Variants in ELMOD1 observed in about 807,000 individuals in gnomAD.
The protein encoded by ELMOD1 is ELMO domain containing 1.
ELMOD1 carries 21 observed loss-of-function variants against 46.7 expected under a neutral mutation model. The ratio of observed to expected loss-of-function variants is 0.45; its 90% confidence interval spans 0.32 to 0.65. The LOEUF (loss-of-function observed/expected upper bound fraction) is 0.65, where lower values mean the gene tolerates loss of function less well. ELMOD1 is among the 30% of genes least tolerant of loss of function. The pLI is 0.04. For synonymous variants in ELMOD1, 122 were observed against 138.2 expected, an observed-to-expected ratio of 0.88 and a Z score of 0.82; for missense variants, 348 against 407.8, an observed-to-expected ratio of 0.85 and a Z score of 1.26.
At chr11:107,658,121 T>G (rs1427271304) in intron 11 of ELMOD1, among the ~76,000 whole-genome samples, 1 of 152,154 alleles carries the variant, frequency 6.6e-6, no homozygotes, top group African/African-American at 2.4e-5. Flanking sequence ...AATCAAGTAA[T>G]GGAAAGCATG....
intron 4 of ELMOD1, among the ~76,000 whole-genome samples, 177 bp from the exon 5 acceptor site, chr11:107,631,403 C>G (rs1004281987): frequency 6.8e-6 from 1 of 146,876 alleles, no homozygotes; most frequent in Non-Finnish European, 1.5e-5. Flanking sequence ...CACTACCCCC[C>G]CCCCCATCGT....
intron 6 of ELMOD1, among the ~76,000 whole-genome samples, chr11:107,646,818 T>C (rs1280535337): frequency 2.0e-5 from 3 of 151,944 alleles, no homozygotes; most frequent in Non-Finnish European, 2.9e-5. Flanking sequence ...TGATATAACA[T>C]TAAAGCATTT....
At chr11:107,607,612 G>A (rs1266409661) in intron 1 of ELMOD1, among the ~76,000 whole-genome samples, 2 of 152,110 alleles carry the variant, frequency 1.3e-5, no homozygotes. Context: ...AGCTGTGATT[G>A]CACCACTGCA....
At position 107,665,292 on chromosome 11, in the gene ELMOD1, A is replaced by T; in HGVS notation, c.*95A>T. 7.8e-7 allele frequency: 1 copy of T among 1,277,684 alleles called. No individual in the cohort carries two copies. The highest frequency in any genetic ancestry group is 1.1e-6 in the Non-Finnish European group (1 of 910,546). The allele number at this position is 1,277,684 out of a possible 1,614,324, so 79.1% of individuals were successfully genotyped here. A position where few individuals can be genotyped will look rare whatever the true frequency, so the allele number is the denominator to read the frequency against. On this transcript the variant is annotated 3_prime_UTR_variant, in exon 12 of 12. Transcript: ENST00000265840. ...CGCAGCTCACGCATTGAATGCACAC[A>T]GTGATTGTATGCATGCCTTTTGGTA...
In ELMOD1 at chr11:107,627,491, T is replaced by C. The variant is rs189923688; in HGVS notation, c.18-2926T>C. Among the ~76,000 whole-genome samples, 414 of 152,232 alleles carry C rather than the reference T, an allele frequency of 2.7e-3. 5 individuals carry two copies. Among genetic ancestry groups the C allele is most frequent in the African/African-American group, 9.5e-3 (393 of 41,560 alleles). ...GTTTTTTTTAAAAGATAAAAGCAAA[T>C]AGAATGAGATATCTTTTCTTCCTTT... On this transcript the variant is annotated intron_variant, in intron 2 of 11. Transcript: ENST00000265840.
chr11:107,621,742 G>A (rs1280617745), intron 2 of ELMOD1, among the ~76,000 whole-genome samples: 2 of 62,294 alleles, frequency 3.2e-5, no homozygotes. Context: ...AAATGAATGT[G>A]AGGGCCAGGC....
intron 1 of ELMOD1, among the ~76,000 whole-genome samples, chr11:107,596,114 G>A (rs1447207916): frequency 1.3e-5 from 2 of 152,032 alleles, no homozygotes; most frequent in Non-Finnish European, 2.9e-5. Context: ...TAATTATTGG[G>A]ATTAGGACTT....
chr11:107,624,424 G>C lies in ELMOD1; in HGVS notation c.18-5993G>C, dbSNP rs899644799. On this transcript the variant is annotated intron_variant, in intron 2 of 11. Coordinates refer to ENST00000265840, the MANE Select transcript of ELMOD1 (RefSeq NM_018712.4). Reference sequence around the variant, plus strand: ...CTAGCACTTTGGGAGGCTGAGGCAGGCAGATTGCTCAAGCCCATGAGTTCA... The same window carrying C: ...CTAGCACTTTGGGAGGCTGAGGCAGCCAGATTGCTCAAGCCCATGAGTTCA... Among the ~76,000 whole-genome samples the C allele has an allele frequency of 3.3e-5, 5 of 152,284 alleles. No individual in the cohort carries two copies. The South Asian group carries it at 1.0e-3, about 32-fold the overall frequency.
Position 107,630,426 on chromosome 11 carries a change from C to T in ELMOD1, c.27C>T (p.Ile9=). 3.8e-6 allele frequency: 6 copies of T among 1,597,684 alleles called. No individual in the cohort carries two copies. The highest frequency in any genetic ancestry group is 5.1e-6 in the Non-Finnish European group (6 of 1,171,404). The change falls in exon 3 of 12, where the codon ATC becomes ATT. Residue 9 remains isoleucine (I), a synonymous_variant. Coordinates refer to ENST00000265840, the MANE Select transcript of ELMOD1 (RefSeq NM_018712.4). MKHFLRML[I]QVCLYFYCKF... is the part of the protein sequence containing the mutation. ...GTTTTGTTTTTCACAGAATGTTGAT[C>T]CAGGTATGCCTGTATTTTTACTGTA...
At chr11:107,662,801 C>A (rs936187822) in intron 11 of ELMOD1, among the ~76,000 whole-genome samples, 7 of 151,550 alleles carry the variant, frequency 4.6e-5, no homozygotes, top group African/African-American at 1.7e-4. Context: ...GGCACACGCT[C>A]GAATTGCTTG....
intron 11 of ELMOD1, among the ~76,000 whole-genome samples, chr11:107,657,423 A>C (rs1223108404): frequency 6.6e-6 from 1 of 152,150 alleles, no homozygotes; most frequent in Admixed American, 6.6e-5. Context: ...GCCACTCAAG[A>C]GGCTGAGGTG....
intron 1 of ELMOD1, among the ~76,000 whole-genome samples, chr11:107,602,482 T>C (rs903968985): frequency 4.6e-5 from 7 of 152,126 alleles, no homozygotes; most frequent in African/African-American, 1.7e-4. Context: ...TTTCTCACCA[T>C]TTTTCATCTT....
chr11:107,601,360 C>T (rs1865594482), intron 1 of ELMOD1, among the ~76,000 whole-genome samples: 1 of 149,560 alleles, frequency 6.7e-6, no homozygotes. Context: ...TTTGTTTTCT[C>T]AAGAATTAGT....
intron 6 of ELMOD1, among the ~76,000 whole-genome samples, chr11:107,636,167 T>A (rs756069383): frequency 6.6e-6 from 1 of 152,236 alleles, no homozygotes; most frequent in South Asian, 2.1e-4. Context: ...GGTTTCTGCT[T>A]CAGCAATGGC....
intron 7 of ELMOD1, among the ~76,000 whole-genome samples, chr11:107,648,072 C>G (rs1866462804): frequency 6.6e-6 from 1 of 152,166 alleles, no homozygotes; most frequent in African/African-American, 2.4e-5. Flanking sequence ...GCCATTATCA[C>G]AGCAAACACA....
intron 11 of ELMOD1, among the ~76,000 whole-genome samples, chr11:107,663,852 A>G (rs1488738196): frequency 6.6e-6 from 1 of 152,020 alleles, no homozygotes; most frequent in African/African-American, 2.4e-5. Context: ...CCCCTTCCCC[A>G]TTTTCATTTA....
chr11:107,607,444 T>C (rs1865704513), intron 1 of ELMOD1, among the ~76,000 whole-genome samples: 1 of 152,118 alleles, frequency 6.6e-6, no homozygotes, highest in South Asian at 2.1e-4. Flanking sequence ...TCACTTTAGC[T>C]CAGGAGTTCA....
rs796077751 is a variant in ELMOD1, at chr11:107,655,393, A to G, written c.699-540A>G. Among the ~76,000 whole-genome samples, 42 of 152,128 alleles carry G rather than the reference A, an allele frequency of 2.8e-4. 1 individual carries two copies. Among genetic ancestry groups the G allele is most frequent in the African/African-American group, 1.0e-3 (42 of 41,482 alleles). On this transcript the variant is annotated intron_variant, in intron 10 of 11. Coordinates refer to ENST00000265840, the MANE Select transcript of ELMOD1 (RefSeq NM_018712.4). Reference sequence around the variant, plus strand: ...GTCCACTTCGGATTTTTTTTCTGTCATATATTTGGAAATAGAAAGGTCAAA... The same window carrying G: ...GTCCACTTCGGATTTTTTTTCTGTCGTATATTTGGAAATAGAAAGGTCAAA...
chr11:107,622,764 G>A (rs1053783409), intron 2 of ELMOD1, among the ~76,000 whole-genome samples: 1 of 152,186 alleles, frequency 6.6e-6, no homozygotes, highest in Non-Finnish European at 1.5e-5. Flanking sequence ...GGCATTGACT[G>A]AGCTTGTGAG....
Sources: gnomAD v4.1 joint callset for allele counts (sites outside exome capture counted in the v4.1 genomes callset) on GRCh38, gnomAD v4.1.1 for gene constraint, MANE v1.5 for transcripts, NCBI Gene and HGNC (gene_info 2026-07-23, HGNC 2026-07-21) for gene names.